The following RFX7 variants were observed in gnomAD, a reference collection of about 807,000 sequenced individuals.
RFX7 encodes regulatory factor X7.
Under a neutral mutation model 111.8 loss-of-function variants are expected in RFX7, and 26 were observed. That is an observed-to-expected ratio of 0.23 (90% CI 0.17 to 0.32). The LOEUF is 0.32. RFX7 is among the 10% of genes least tolerant of loss of function. The probability of loss-of-function intolerance (pLI) is 1.00; values close to 1 mark genes in which losing one functional copy is unlikely to be tolerated. For synonymous variants in RFX7, 624 were observed against 624.4 expected (o/e 1.00, Z 0.01); for missense variants, 1,573 against 1,772.9 (o/e 0.89, Z 2.02).
chr15:56,120,794 T>C (rs2042068799), intron 5 of RFX7, among the ~76,000 whole-genome samples: 1 of 152,218 alleles, frequency 6.6e-6, no homozygotes, highest in Admixed American at 6.5e-5. Context: ...ACCATGAGGC[T>C]TGCAGATAAT....
intron 2 of RFX7, among the ~76,000 whole-genome samples, chr15:56,181,176 CTTCA>C (rs1444637690): frequency 6.6e-6 from 1 of 152,194 alleles, no homozygotes; most frequent in African/African-American, 2.4e-5. Flanking sequence ...CTAGTCTATT[CTTCA>C]TTCATTCAGC....
At chr15:56,220,015 C>G (rs1420333188) in intron 2 of RFX7, among the ~76,000 whole-genome samples, 1 of 152,126 alleles carries the variant, frequency 6.6e-6, no homozygotes, top group Non-Finnish European at 1.5e-5. Flanking sequence ...TTCTTGACAG[C>G]CTTACCAGCA....
At chr15:56,128,411 T>C (rs2042172232) in intron 5 of RFX7, among the ~76,000 whole-genome samples, 1 of 152,160 alleles carries the variant, frequency 6.6e-6, no homozygotes, top group Non-Finnish European at 1.5e-5. Context: ...ATCCCAGAAA[T>C]GCATGATAGG....
chr15:56,134,291 A>G (rs2042259753), intron 5 of RFX7, among the ~76,000 whole-genome samples: 1 of 152,130 alleles, frequency 6.6e-6, no homozygotes, highest in South Asian at 2.1e-4. Context: ...TACAACACAA[A>G]TTTTATTATC....
chr15:56,210,595 A>C (rs1034187232), intron 2 of RFX7, among the ~76,000 whole-genome samples: 2 of 152,124 alleles, frequency 1.3e-5, no homozygotes, highest in African/African-American at 4.8e-5. Context: ...TTAAAAATAG[A>C]AATTATAGAG....
intron 2 of RFX7, among the ~76,000 whole-genome samples, chr15:56,222,608 A>G (rs1184461954): frequency 2.6e-5 from 4 of 152,106 alleles, no homozygotes; most frequent in Admixed American, 2.0e-4. Flanking sequence ...TAGCATATTC[A>G]GTGAATTTTT....
intron 2 of RFX7, among the ~76,000 whole-genome samples, chr15:56,187,514 A>G (rs1257162239): frequency 6.6e-6 from 1 of 152,100 alleles, no homozygotes; most frequent in Non-Finnish European, 1.5e-5. Flanking sequence ...GCCTGAGGGT[A>G]CTTATCAGCC....
At chr15:56,117,502 A>G (rs935992291) in intron 5 of RFX7, among the ~76,000 whole-genome samples, 5 of 152,184 alleles carry the variant, frequency 3.3e-5, no homozygotes, top group Non-Finnish European at 7.4e-5. Context: ...TGTTGGGAAC[A>G]TTCAATATCC....
At chr15:56,149,977 C>T (rs2042545243) in intron 3 of RFX7, among the ~76,000 whole-genome samples, 1 of 151,218 alleles carries the variant, frequency 6.6e-6, no homozygotes, top group South Asian at 2.1e-4. Flanking sequence ...ATTCTCGCTG[C>T]CAGCACAGCA....
chr15:56,211,524 T>C (rs1353041359), intron 2 of RFX7, among the ~76,000 whole-genome samples: 1 of 152,014 alleles, frequency 6.6e-6, no homozygotes, highest in Non-Finnish European at 1.5e-5. Context: ...AAATGCACTA[T>C]CCATAAAAGA....
intron 2 of RFX7, among the ~76,000 whole-genome samples, chr15:56,226,451 A>G (rs1230042829): frequency 6.6e-6 from 1 of 152,196 alleles, no homozygotes; most frequent in Non-Finnish European, 1.5e-5. Context: ...ATACCTTTGG[A>G]AAGAGTGACA....
At chr15:56,131,396 A>G (rs2042215789) in intron 5 of RFX7, among the ~76,000 whole-genome samples, 2 of 149,052 alleles carry the variant, frequency 1.3e-5, no homozygotes, top group South Asian at 4.2e-4. Context: ...ACTCTCGTAT[A>G]GCTAGCACTA....
intron 2 of RFX7, among the ~76,000 whole-genome samples, chr15:56,189,682 G>C (rs909294990): frequency 6.6e-6 from 1 of 152,122 alleles, no homozygotes; most frequent in Admixed American, 6.5e-5. Context: ...AATCAAAATC[G>C]CAACAATACA....
chr15:56,150,182 T>C (rs1247965226), intron 3 of RFX7, among the ~76,000 whole-genome samples: 1 of 152,150 alleles, frequency 6.6e-6, no homozygotes, highest in African/African-American at 2.4e-5. Flanking sequence ...TGATTGCCCC[T>C]CTCTGGACAG....
intron 2 of RFX7, among the ~76,000 whole-genome samples, chr15:56,232,484 A>G (rs2043572548): frequency 1.3e-5 from 2 of 152,154 alleles, no homozygotes; most frequent in African/African-American, 2.4e-5. Context: ...AAGACCTCTC[A>G]CATGCCCTGG....
At position 56,089,321 on chromosome 15, in the gene RFX7, G is replaced by A. The variant is rs1233482891; in HGVS notation, c.*4024C>T. The A allele has an allele frequency of 6.6e-6, 1 of 152,522 alleles. No individual in the cohort carries two copies. The highest frequency in any genetic ancestry group is 1.5e-5 in the Non-Finnish European group (1 of 68,026). 9.4% of individuals were successfully genotyped at this position (152,522 alleles called of 1,614,324 possible). A position where few individuals can be genotyped will look rare whatever the true frequency, so the allele number is the denominator to read the frequency against. On this transcript the variant is annotated 3_prime_UTR_variant, in exon 10 of 10. Coordinates refer to ENST00000559447, the MANE Select transcript of RFX7 (RefSeq NM_022841.7). ...ATCTGAGCTGTGGCAGCCATCTTGT[G>A]ACTATGAGGTAATAGACACAGCAAA...
intron 2 of RFX7, among the ~76,000 whole-genome samples, chr15:56,209,806 G>A (rs1044379446): frequency 2.0e-5 from 3 of 150,126 alleles, no homozygotes; most frequent in Non-Finnish European, 3.0e-5. Flanking sequence ...ACTAAAAAAC[G>A]CAAAGAAAGA....
intron 5 of RFX7, among the ~76,000 whole-genome samples, chr15:56,120,556 T>C (rs1003305953): frequency 6.6e-6 from 1 of 152,216 alleles, no homozygotes; most frequent in South Asian, 2.1e-4. Context: ...TGGGCATCCA[T>C]GTCATGTTCC....
chr15:56,173,414 T>C (rs2042866795), intron 3 of RFX7, among the ~76,000 whole-genome samples: 1 of 152,198 alleles, frequency 6.6e-6, no homozygotes, highest in Admixed American at 6.5e-5. Context: ...TGTTCAGCAC[T>C]AAATTAAAAA....
Sources: allele counts gnomAD v4.1 joint callset (sites outside exome capture counted in the v4.1 genomes callset), GRCh38; gene constraint gnomAD v4.1.1; transcripts MANE v1.5; gene names NCBI Gene and HGNC (gene_info 2026-07-23, HGNC 2026-07-21).